Variants in COL7A1 observed in about 807,000 individuals in gnomAD.
COL7A1 encodes collagen alpha-1(VII) chain.
Under a neutral mutation model 456.2 loss-of-function variants are expected in COL7A1, and 296 were observed. The observed-to-expected ratio is 0.65, with a 90% CI of 0.59 to 0.71. COL7A1 has a LOEUF of 0.71. Among genes scored for constraint, COL7A1 ranks in the 30% least tolerant of loss-of-function variants. The probability of loss-of-function intolerance (pLI) is 0.00; values close to 1 mark genes in which losing one functional copy is unlikely to be tolerated. For synonymous variants in COL7A1, 1,464 were observed against 1,525.9 expected, an observed-to-expected ratio of 0.96 and a Z score of 0.95; for missense variants, 3,441 against 4,017.2, an observed-to-expected ratio of 0.86 and a Z score of 3.88.
intron 47 of COL7A1, 75 bp downstream of exon 47, chr3:48,582,248 C>G (rs2044814396): frequency 1.9e-6 from 3 of 1,611,242 alleles, no homozygotes; most frequent in African/African-American, 2.7e-5. Context: ...GAATCACAGC[C>G]CAGATAGTGT....
rs150337561 is a variant in COL7A1 at position 48,576,452 on chromosome 3, C to A, written c.5737-17G>T. 5.3e-4 allele frequency: 860 copies of A among 1,613,506 alleles called. 10 individuals carry two copies. In the East Asian group the frequency reaches 0.014, roughly 26 times the overall value. On this transcript the variant is annotated splice_polypyrimidine_tract_variant and intron_variant, in intron 69 of 118. Coordinates refer to ENST00000681320, the MANE Select transcript of COL7A1 (RefSeq NM_000094.4). ...ACGGTCACCCTGAAAACAAGAATGA[C>A]CAGGTGGGGAAATGGCCCCCAGCCT...
chr3:48,564,545 AG>A lies in COL7A1; in HGVS notation c.8819-124del. 1 of 1,232,638 alleles carries A rather than the reference AG, an allele frequency of 8.1e-7. No individual in the cohort carries two copies. Among genetic ancestry groups the A allele is most frequent in the Non-Finnish European group, 1.2e-6 (1 of 854,912 alleles). The allele number at this position is 1,232,638 out of a possible 1,614,324, so 76.4% of individuals were successfully genotyped here. A position where few individuals can be genotyped will look rare whatever the true frequency, so the allele number is the denominator to read the frequency against. On this transcript the variant is annotated intron_variant, in intron 118 of 118. Coordinates refer to ENST00000681320, the MANE Select transcript of COL7A1 (RefSeq NM_000094.4). This position sits in a 1 kb window ranked among gnomAD's most constrained non-coding sequence, Gnocchi z 6.0. ...CAGGAAGTGGGGGCTCTGACCTCAG[AG>A]GGGTCCATACTTAGGTCTTTAAAGG... is the stretch of plus-strand genomic sequence containing the variant.
Position 48,585,592 on chromosome 3 carries a change from C to G in COL7A1, c.3859G>C (p.Gly1287Arg). Residue 1287 changes from glycine (G) to arginine (R), a missense_variant, in exon 32 of 119, where the codon GGG becomes CGG. Around this residue, in one of 3 missense-constraint regions of COL7A1, gnomAD observed 2,084 missense variants for 2,501.3 expected, o/e 0.83. Coordinates refer to ENST00000681320, the MANE Select transcript of COL7A1 (RefSeq NM_000094.4). This position sits in a 1 kb window ranked among gnomAD's most constrained non-coding sequence, Gnocchi z 4.5. ...PGRTGAPGPQGPPGSATAKGE... is the reference protein window; with the variant it reads ...PGRTGAPGPQRPPGSATAKGE... ...TTGGCAGTGGCACTTCCAGGGGGCC[C>G]CTGGGGGCCGGGAGCACCGGTCCTG... 2 of 1,613,964 alleles carry G rather than the reference C, an allele frequency of 1.2e-6. No homozygotes were observed. Among genetic ancestry groups the G allele is most frequent in the Non-Finnish European group, 1.7e-6 (2 of 1,180,022 alleles).
At position 48,588,164 on chromosome 3, in the gene COL7A1, A is replaced by G; in HGVS notation, c.2710+118T>C. 1 of 1,505,730 alleles carries G rather than the reference A, an allele frequency of 6.6e-7. No homozygotes were observed. Among genetic ancestry groups the G allele is most frequent in the Non-Finnish European group, 9.1e-7 (1 of 1,101,490 alleles). 93.3% of individuals were successfully genotyped at this position (1,505,730 alleles called of 1,614,324 possible). A position where few individuals can be genotyped will look rare whatever the true frequency, so the allele number is the denominator to read the frequency against. ...TGATTGATCTTACCTACTGTCACGG[A>G]TCCCGCAGACCCCCAGTGACAGACC... On this transcript the variant is annotated intron_variant, in intron 21 of 118. Coordinates refer to ENST00000681320, the MANE Select transcript of COL7A1 (RefSeq NM_000094.4). The surrounding 1 kb of genome is among the most constrained non-coding windows in gnomAD (Gnocchi z 4.6).
rs990035460 is a variant in COL7A1, at chr3:48,580,632, C to A, written c.5001G>T (p.Gly1667=). The A allele has an allele frequency of 1.2e-6, 2 of 1,613,870 alleles. No individual in the cohort carries two copies. The highest frequency in any genetic ancestry group is 1.7e-6 in the Non-Finnish European group (2 of 1,179,940). ...RGLRGAPGVR[G]PVGEKGDQGD... ...CCTGGTCTCCCTTTTCACCCACAGG[C>A]CCCCGAACTCCAGGTGCCCCCTAAG... The change falls in exon 55 of 119, where the codon GGG becomes GGT. Residue 1667 remains glycine, a synonymous_variant. Coordinates refer to ENST00000681320, the MANE Select transcript of COL7A1 (RefSeq NM_000094.4). This position sits in a 1 kb window ranked among gnomAD's most constrained non-coding sequence, Gnocchi z 4.5.
intron 47 of COL7A1, 112 bp downstream of exon 47, chr3:48,582,211 C>A: frequency 6.3e-7 from 1 of 1,585,198 alleles, no homozygotes; most frequent in South Asian, 1.1e-5. Context: ...GCAGAGCTCC[C>A]AGCCTGCTCA....
rs1445356379 is a variant in COL7A1, at chr3:48,590,060, T to C, written c.2050+153A>G. On this transcript the variant is annotated intron_variant, in intron 16 of 118. Transcript: ENST00000681320. The surrounding 1 kb of genome is among the most constrained non-coding windows in gnomAD (Gnocchi z 4.6). The stretch of plus-strand genomic sequence containing the variant: ...GGGCTTAAGGGGAGACAGCTGAAAC[T>C]GAAGAGGAAGCAGCGTCTCTGAGGG... Among the ~76,000 whole-genome samples, 2 of 151,368 alleles carry C rather than the reference T, an allele frequency of 1.3e-5. No individual in the cohort carries two copies. The highest frequency in any genetic ancestry group is 2.9e-5 in the Non-Finnish European group (2 of 67,828).
chr3:48,590,193 G>A lies in COL7A1; in HGVS notation c.2050+20C>T. On this transcript the variant is annotated intron_variant, in intron 16 of 118. Transcript: ENST00000681320. This position sits in a 1 kb window ranked among gnomAD's most constrained non-coding sequence, Gnocchi z 4.6. The stretch of plus-strand genomic sequence containing the variant: ...AGAGCAATGGAGGCAGAGAGCCAAG[G>A]GACGGGGGCAGGGCCTGACCCGTTC... The A allele has an allele frequency of 6.2e-7, 1 of 1,609,854 alleles. No homozygotes were observed. Among genetic ancestry groups the A allele is most frequent in the South Asian group, 1.1e-5 (1 of 90,952 alleles).
chr3:48,584,578 G>A (rs2045081392), intron 35 of COL7A1, 22 bp from the exon 36 acceptor site: 1 of 1,614,006 alleles, frequency 6.2e-7, no homozygotes, highest in Non-Finnish European at 8.5e-7. Context: ...GAGAGCAGTG[G>A]GCAGGATTCA....
At position 48,570,646 on chromosome 3, in the gene COL7A1, C is replaced by T. The variant is rs755879578; in HGVS notation, c.7337G>A (p.Gly2446Glu). The change falls in exon 96 of 119, where the codon GGG (glycine) becomes GAG (glutamate). Residue 2446 changes from glycine to glutamate, a missense_variant. Physicochemically the swap from Gly to Glu is moderately conservative, Grantham distance 98. Around this residue, in one of 3 missense-constraint regions of COL7A1, gnomAD observed 2,084 missense variants for 2,501.3 expected, o/e 0.83. Transcript: ENST00000681320. This position sits in a 1 kb window ranked among gnomAD's most constrained non-coding sequence, Gnocchi z 5.5. ...PGPLGPPGPP[G>E]SVGPPGASGL... ...TAGGGCACCTCTACTCACCACTGAC[C>T]CCGGTGGTCCAGGTGGCCCCAGGGG... is the stretch of plus-strand genomic sequence containing the variant. The T allele has an allele frequency of 1.2e-6, 2 of 1,601,454 alleles. No homozygotes were observed. Among genetic ancestry groups the T allele is most frequent in the Non-Finnish European group, 1.7e-6 (2 of 1,173,264 alleles).
rs1235796528 is a variant in COL7A1 at position 48,576,688 on chromosome 3, G to A, written c.5688C>T (p.Gly1896=). The change falls in exon 68 of 119, where the codon GGC becomes GGT. Residue 1896 remains glycine (G), a synonymous_variant. Transcript: ENST00000681320. ...CCAGGACACTCACCTGGCCAGGAGG[G>A]CCCACTGGCCCTGGGAGGCCTGGAG... ...QGPPGLPGPV[G]PPGQGFPGVP... 1 of 1,606,490 alleles carries A rather than the reference G, an allele frequency of 6.2e-7. No individual in the cohort carries two copies. Among genetic ancestry groups the A allele is most frequent in the Admixed American group, 1.7e-5 (1 of 58,580 alleles).
Position 48,573,895 on chromosome 3 carries a change from A to C in COL7A1, c.6502-5T>G. 6.2e-7 allele frequency: 1 copy of C among 1,613,316 alleles called. No individual in the cohort carries two copies. The highest frequency in any genetic ancestry group is 8.5e-7 in the Non-Finnish European group (1 of 1,179,938). On this transcript the variant is annotated splice_polypyrimidine_tract_variant and splice_region_variant and intron_variant, in intron 80 of 118. Transcript: ENST00000681320. The surrounding 1 kb of genome is among the most constrained non-coding windows in gnomAD (Gnocchi z 5.5). ...GCCTCTTGGACCCTGCAGACCCTAC[A>C]TAGAGAGGGCACTGATGAGCCTCAA...
chr3:48,566,130 G>A lies in COL7A1; in HGVS notation c.8407+137C>T. On this transcript the variant is annotated intron_variant, in intron 114 of 118. Transcript: ENST00000681320. This position sits in a 1 kb window ranked among gnomAD's most constrained non-coding sequence, Gnocchi z 5.9. ...GGGACACATGTCATGTGTCAGTCCT[G>A]CAGCACATGTGTCCTTCTGTGTATC... The A allele has an allele frequency of 2.2e-6, 2 of 920,256 alleles. No homozygotes were observed. Among genetic ancestry groups the A allele is most frequent in the Non-Finnish European group, 1.7e-6 (1 of 581,360 alleles). 57.0% of individuals were successfully genotyped at this position (920,256 alleles called of 1,614,324 possible). A position where few individuals can be genotyped will look rare whatever the true frequency, so the allele number is the denominator to read the frequency against.
Position 48,572,126 on chromosome 3 carries a change from C to T in COL7A1, c.7023+1G>A, listed in dbSNP as rs2043966286. The T allele has an allele frequency of 2.5e-6, 4 of 1,614,082 alleles. No homozygotes were observed. Among genetic ancestry groups the T allele is most frequent in the Non-Finnish European group, 3.4e-6 (4 of 1,179,998 alleles). On this transcript the variant is annotated splice_donor_variant, in intron 91 of 118. Transcript: ENST00000681320. LOFTEE classifies it high-confidence loss of function. This position sits in a 1 kb window ranked among gnomAD's most constrained non-coding sequence, Gnocchi z 4.6. ...CAGGCCCCAGGGCCAACCCACCTCA[C>T]CTTCTCGCCTCGCGGCCCTGGCAGT...
At position 48,570,446 on chromosome 3, in the gene COL7A1, C is replaced by T. The variant is rs1185052390; in HGVS notation, c.7380+19G>A. 3.7e-6 allele frequency: 6 copies of T among 1,614,064 alleles called. No homozygotes were observed. In the South Asian group the frequency reaches 6.6e-5, roughly 18 times the overall value. On this transcript the variant is annotated intron_variant, in intron 97 of 118. Coordinates refer to ENST00000681320, the MANE Select transcript of COL7A1 (RefSeq NM_000094.4). This position sits in a 1 kb window ranked among gnomAD's most constrained non-coding sequence, Gnocchi z 5.5. ...TGACCAGGGCACAAGAGAGAGTCAGCAGCACTTGTCCCACCTACCTTGTCT... is the reference window on the plus strand; with the variant it reads ...TGACCAGGGCACAAGAGAGAGTCAGTAGCACTTGTCCCACCTACCTTGTCT...
In COL7A1 at chr3:48,573,345, C is replaced by T. The variant is rs749264275; in HGVS notation, c.6622G>A (p.Glu2208Lys). The change falls in exon 84 of 119, where the codon GAG (glutamate) becomes AAG (lysine). Residue 2208 changes from glutamate (E) to lysine (K), a missense_variant. Transcript: ENST00000681320. This position sits in a 1 kb window ranked among gnomAD's most constrained non-coding sequence, Gnocchi z 5.5. ...CCTGGAGGTCCTGTCTCTCCAGGCTCCCCCTGCAAACAACCCAGAGACTGC... is the reference window on the plus strand; with the variant it reads ...CCTGGAGGTCCTGTCTCTCCAGGCTTCCCCTGCAAACAACCCAGAGACTGC... ...GPQGPSGLKG[E>K]PGETGPPGRG... 3 of 1,614,034 alleles carry T rather than the reference C, an allele frequency of 1.9e-6. No individual in the cohort carries two copies. Among genetic ancestry groups the T allele is most frequent in the East Asian group, 2.2e-5 (1 of 44,868 alleles).
chr3:48,576,490 CACCACGCCCCCTA>C lies in COL7A1; in HGVS notation c.5736+19_5736+31del. ...TGGCCCCCAGCCTGGTCAGCCCCCT[CACCACGCCCCCTA>C]CCCAACATCCGCACTCACCTTGGGG... On this transcript the variant is annotated intron_variant, in intron 69 of 118. Transcript: ENST00000681320. 1 of 1,612,440 alleles carries C rather than the reference CACCACGCCCCCTA, an allele frequency of 6.2e-7. No individual in the cohort carries two copies. The highest frequency in any genetic ancestry group is 8.5e-7 in the Non-Finnish European group (1 of 1,179,486).
In COL7A1 at chr3:48,587,122, A is replaced by G; in HGVS notation, c.3140-14T>C. Reference sequence around the variant, plus strand: ...CACGGGGGCACACTGTAGGAAGGGGAACAAGTTACTGAAGCGGGCAGCCCA... The same window carrying G: ...CACGGGGGCACACTGTAGGAAGGGGGACAAGTTACTGAAGCGGGCAGCCCA... On this transcript the variant is annotated splice_polypyrimidine_tract_variant and intron_variant, in intron 24 of 118. Transcript: ENST00000681320. This position sits in a 1 kb window ranked among gnomAD's most constrained non-coding sequence, Gnocchi z 6.1. 3 of 1,613,288 alleles carry G rather than the reference A, an allele frequency of 1.9e-6. No homozygotes were observed. In the South Asian group the frequency reaches 3.3e-5, roughly 18 times the overall value.
rs777405256 is a variant in COL7A1 at position 48,566,785 on chromosome 3, CAG to C, written c.8227-50_8227-49del. ...GAGCAGGGTCAGAGGCAGTGGGGATCAGAGTCAGGCAGGTTGGGGGCCACAGC... is the reference window on the plus strand; with the variant it reads ...GAGCAGGGTCAGAGGCAGTGGGGATCAGTCAGGCAGGTTGGGGGCCACAGC... On this transcript the variant is annotated intron_variant, in intron 111 of 118. Transcript: ENST00000681320. The surrounding 1 kb of genome is among the most constrained non-coding windows in gnomAD (Gnocchi z 5.9). 3.1e-6 allele frequency: 5 copies of C among 1,608,954 alleles called. No homozygotes were observed. The African/African-American group carries it at 5.3e-5, about 17-fold the overall frequency.
Sources: allele counts gnomAD v4.1 joint callset (sites outside exome capture counted in the v4.1 genomes callset), GRCh38; gene constraint gnomAD v4.1.1; regional missense constraint gnomAD v4.1.1; non-coding constraint Gnocchi (gnomAD v3.1); transcripts MANE v1.5; gene names NCBI Gene and HGNC (gene_info 2026-07-23, HGNC 2026-07-21).